CYTH3: variants seen among roughly 807,000 people sequenced by gnomAD.
CYTH3 encodes the protein cytohesin-3.
A neutral mutation model predicts 55.1 loss-of-function variants in CYTH3; 23 were observed. The ratio of observed to expected loss-of-function variants is 0.42; its 90% CI spans 0.30 to 0.59. The LOEUF (loss-of-function observed/expected upper bound fraction) is 0.59. Among genes scored for constraint, CYTH3 ranks in the 20% least tolerant of loss-of-function variants. CYTH3 has a pLI of 0.20. For missense variants in CYTH3, 413 were observed against 524.8 expected, an observed-to-expected ratio of 0.79 and a Z score of 2.08; for synonymous variants, 249 against 194.9, an observed-to-expected ratio of 1.28 and a Z score of -2.31.
At chr7:6,259,803 A>ATATAT (rs1780287263) in intron 1 of CYTH3, among the ~76,000 whole-genome samples, 2 of 24,274 alleles carry the variant, frequency 8.2e-5, no homozygotes, top group African/African-American at 3.9e-4. Context: ...ATATATATAT[A>ATATAT]TATATATATA....
At chr7:6,255,055 T>G (rs1230852253) in intron 1 of CYTH3, among the ~76,000 whole-genome samples, 1 of 152,216 alleles carries the variant, frequency 6.6e-6, no homozygotes, top group African/African-American at 2.4e-5. Context: ...AACACACTGA[T>G]GACTAACAGT....
At chr7:6,215,591 A>G (rs1184270376) in intron 1 of CYTH3, among the ~76,000 whole-genome samples, 1 of 139,630 alleles carries the variant, frequency 7.2e-6, no homozygotes, top group Non-Finnish European at 1.6e-5. Flanking sequence ...CTCCATCTCA[A>G]AAAAAAAAAA....
chr7:6,190,049 G>A lies in CYTH3; in HGVS notation c.117+400C>T, dbSNP rs190037465. Among the ~76,000 whole-genome samples the A allele has an allele frequency of 5.3e-5, 8 of 151,988 alleles. No homozygotes were observed. The East Asian group carries it at 1.4e-3, about 26-fold the overall frequency. Reference sequence around the variant, plus strand: ...AGACTCTGTCTCAAAAAAGCAAAAAGAAAAAAACAAACAAAAAAACATATT... The same window carrying A: ...AGACTCTGTCTCAAAAAAGCAAAAAAAAAAAAACAAACAAAAAAACATATT... On this transcript the variant is annotated intron_variant, in intron 2 of 12. Coordinates refer to ENST00000350796, the MANE Select transcript of CYTH3 (RefSeq NM_004227.4).
intron 6 of CYTH3, chr7:6,172,086 C>T (rs3812264): frequency 0.049 from 7,547 of 152,670 alleles, 555 homozygotes; most frequent in East Asian, 0.38. Context: ...TATTCAGCAA[C>T]GTCTGATGCT....
In CYTH3 at chr7:6,170,518, C is replaced by T; in HGVS notation, c.823+17G>A. Reference sequence around the variant, plus strand: ...GCAGAGGGGTCACGCCCGGGTCCCGCTGGGCCGGCGGCTCACCCAGCTTCA... The same window carrying T: ...GCAGAGGGGTCACGCCCGGGTCCCGTTGGGCCGGCGGCTCACCCAGCTTCA... On this transcript the variant is annotated intron_variant, in intron 9 of 12. Coordinates refer to ENST00000350796, the MANE Select transcript of CYTH3 (RefSeq NM_004227.4). The surrounding 1 kb of genome is among the most constrained non-coding windows in gnomAD (Gnocchi z 7.8). The T allele has an allele frequency of 6.2e-7, 1 of 1,612,278 alleles. No individual in the cohort carries two copies. Among genetic ancestry groups the T allele is most frequent in the Non-Finnish European group, 8.5e-7 (1 of 1,178,892 alleles).
chr7:6,257,108 A>AT (rs1204704680), intron 1 of CYTH3, among the ~76,000 whole-genome samples: 12 of 151,634 alleles, frequency 7.9e-5, no homozygotes, highest in Non-Finnish European at 1.3e-4. Context: ...CAACGTGAAG[A>AT]TTTTTTTTTA....
intron 1 of CYTH3, among the ~76,000 whole-genome samples, chr7:6,193,812 G>T (rs1178607084): frequency 6.6e-6 from 1 of 152,142 alleles, no homozygotes; most frequent in Non-Finnish European, 1.5e-5. Flanking sequence ...ACGTTTGAGG[G>T]CAAGGGCACC....
intron 1 of CYTH3, among the ~76,000 whole-genome samples, chr7:6,196,881 A>G (rs1324100063): frequency 1.3e-5 from 2 of 152,344 alleles, no homozygotes; most frequent in East Asian, 1.9e-4. Context: ...AACATTTACG[A>G]AAAGAATTTT....
At chr7:6,204,608 C>T (rs974427256) in intron 1 of CYTH3, among the ~76,000 whole-genome samples, 2 of 152,262 alleles carry the variant, frequency 1.3e-5, no homozygotes, top group Admixed American at 1.3e-4. Context: ...CTGTGGACCC[C>T]ATCACGGCTG....
chr7:6,239,256 G>A (rs1779610992), intron 1 of CYTH3, among the ~76,000 whole-genome samples: 1 of 152,100 alleles, frequency 6.6e-6, no homozygotes, highest in Admixed American at 6.6e-5. Context: ...GAGGGGAGAG[G>A]AGAGAAGAGG....
At chr7:6,223,210 A>G (rs577022931) in intron 1 of CYTH3, among the ~76,000 whole-genome samples, 3 of 150,236 alleles carry the variant, frequency 2.0e-5, no homozygotes, top group Non-Finnish European at 3.0e-5. Flanking sequence ...GGAGGTGAGG[A>G]GCGCCTCGGC....
At chr7:6,252,477 A>G (rs978500715) in intron 1 of CYTH3, among the ~76,000 whole-genome samples, 1 of 152,232 alleles carries the variant, frequency 6.6e-6, no homozygotes, top group Admixed American at 6.5e-5. Flanking sequence ...TAAATCAGTC[A>G]TCTGAAAGGG....
chr7:6,256,865 G>C (rs1486619100), intron 1 of CYTH3, among the ~76,000 whole-genome samples: 1 of 152,218 alleles, frequency 6.6e-6, no homozygotes, highest in Non-Finnish European at 1.5e-5. Context: ...CAAGAGTGAA[G>C]CTGGCGGGAC....
Position 6,174,639 on chromosome 7 carries a change from C to T in CYTH3, c.369-906G>A, listed in dbSNP as rs1442734533. On this transcript the variant is annotated intron_variant, in intron 5 of 12. Transcript: ENST00000350796. ...CTTGGCCCACTGCAACCTCCACCTC[C>T]TGGGTTCAAGCGATACTCCTGTCTC... Among the ~76,000 whole-genome samples the T allele has an allele frequency of 2.0e-5, 3 of 150,616 alleles. No homozygotes were observed. The East Asian group carries it at 5.9e-4, about 29-fold the overall frequency.
At chr7:6,232,730 G>A (rs1348079366) in intron 1 of CYTH3, among the ~76,000 whole-genome samples, 3 of 152,124 alleles carry the variant, frequency 2.0e-5, no homozygotes, top group South Asian at 2.1e-4. Flanking sequence ...TGACTGTCCC[G>A]CTTCCCTCGT....
intron 1 of CYTH3, among the ~76,000 whole-genome samples, chr7:6,241,176 G>A (rs1041924653): frequency 6.6e-6 from 1 of 151,960 alleles, no homozygotes; most frequent in African/African-American, 2.4e-5. Context: ...TCTTCTGCAC[G>A]ACAAAAACAA....
chr7:6,182,806 G>A (rs1004408573), intron 4 of CYTH3, among the ~76,000 whole-genome samples: 3 of 152,028 alleles, frequency 2.0e-5, no homozygotes, highest in East Asian at 3.9e-4. Context: ...CGCCCTCCCC[G>A]CCTCTATTGT....
rs1783055186 is a variant in CYTH3 at position 6,167,742 on chromosome 7, C to T, written c.824-1932G>A. On this transcript the variant is annotated intron_variant, in intron 9 of 12. Coordinates refer to ENST00000350796, the MANE Select transcript of CYTH3 (RefSeq NM_004227.4). This position sits in a 1 kb window ranked among gnomAD's most constrained non-coding sequence, Gnocchi z 5.5. Reference sequence around the variant, plus strand: ...CTTGGGGAGCTCATCCAGGAGCCCCCAGGTTGTGTGTTTCTGTCCAGCGCC... The same window carrying T: ...CTTGGGGAGCTCATCCAGGAGCCCCTAGGTTGTGTGTTTCTGTCCAGCGCC... Among the ~76,000 whole-genome samples the T allele has an allele frequency of 6.6e-6, 1 of 152,240 alleles. No homozygotes were observed. The highest frequency in any genetic ancestry group is 6.5e-5 in the Admixed American group (1 of 15,294).
At position 6,170,568 on chromosome 7, in the gene CYTH3, T is replaced by C. The variant is rs1252407636; in HGVS notation, c.790A>G (p.Asn264Asp). 6.2e-7 allele frequency: 1 copy of C among 1,613,798 alleles called. No individual in the cohort carries two copies. The highest frequency in any genetic ancestry group is 8.5e-7 in the Non-Finnish European group (1 of 1,179,888). ...AGGAGCCAGCCCTCGCGGTCGGGGTTGAAGAAGGTGTGGGTCAGGTCGTTC... is the reference window on the plus strand; with the variant it reads ...AGGAGCCAGCCCTCGCGGTCGGGGTCGAAGAAGGTGTGGGTCAGGTCGTTC... Reference protein sequence around the residue: ...DGNDLTHTFFNPDREGWLLKL... With the variant: ...DGNDLTHTFFDPDREGWLLKL... Residue 264 changes from asparagine (N) to aspartate (D), a missense_variant, in exon 9 of 13, where the codon AAC becomes GAC. This residue lies in a region of CYTH3 where 156 missense variants were observed against 233.1 expected (regional missense o/e 0.67). Transcript: ENST00000350796. The surrounding 1 kb of genome is among the most constrained non-coding windows in gnomAD (Gnocchi z 7.8).
Sources: gnomAD v4.1 joint callset for allele counts (sites outside exome capture counted in the v4.1 genomes callset) on GRCh38, gnomAD v4.1.1 for gene constraint, gnomAD v4.1.1 regional missense constraint, Gnocchi (gnomAD v3.1) non-coding constraint, MANE v1.5 for transcripts, NCBI Gene and HGNC (gene_info 2026-07-23, HGNC 2026-07-21) for gene names.